Variants in MEI4 observed in about 807,000 individuals in gnomAD.
MEI4 encodes meiosis-specific protein MEI4.
A neutral mutation model predicts 31.4 loss-of-function variants in MEI4; 27 were observed. That is an observed-to-expected ratio of 0.86 (90% CI 0.63 to 1.19). MEI4 has a LOEUF of 1.19. Ranked by LOEUF, MEI4 falls within the 50% of genes most tolerant of loss-of-function variation. MEI4 has a pLI of 0.00. For synonymous variants in MEI4, 122 were observed against 145.4 expected (o/e 0.84, Z 1.16); for missense variants, 329 against 398.9 (o/e 0.82, Z 1.49).
chr6:77,679,699 C>T (rs1768915758), intron 1 of MEI4, among the ~76,000 whole-genome samples: 1 of 151,944 alleles, frequency 6.6e-6, no homozygotes, highest in South Asian at 2.1e-4. Flanking sequence ...TGTGTCCTCC[C>T]CTAGTGCCCA....
chr6:77,866,252 A>G (rs1229850011), intron 4 of MEI4, among the ~76,000 whole-genome samples: 2 of 152,074 alleles, frequency 1.3e-5, no homozygotes, highest in Non-Finnish European at 2.9e-5. Flanking sequence ...GGAGAAGGAA[A>G]TAAAGGGTAT....
Position 77,802,696 on chromosome 6 carries a change from A to T in MEI4, c.769-26235A>T, listed in dbSNP as rs899241372. Among the ~76,000 whole-genome samples the T allele has an allele frequency of 2.6e-5, 4 of 152,214 alleles. No homozygotes were observed. The Middle Eastern group carries it at 0.014, about 518-fold the overall frequency. ...GACAAAACTCTCTCAGCATTTGCTT[A>T]TCTGTAAAGGATTTTATTTATCCTT... On this transcript the variant is annotated intron_variant, in intron 3 of 4. Transcript: ENST00000684080.
intron 1 of MEI4, among the ~76,000 whole-genome samples, chr6:77,676,367 A>G (rs1768845172): frequency 6.6e-6 from 1 of 152,072 alleles, no homozygotes; most frequent in African/African-American, 2.4e-5. Context: ...TGTACAACAA[A>G]TAAAAAAAAA....
At chr6:77,908,001 T>TA (rs932836074) in intron 4 of MEI4, among the ~76,000 whole-genome samples, 3 of 151,748 alleles carry the variant, frequency 2.0e-5, no homozygotes, top group African/African-American at 7.2e-5. Flanking sequence ...GGGTTTTTTT[T>TA]TTTTTCTTGT....
At chr6:77,915,608 G>A (rs9361313) in intron 4 of MEI4, among the ~76,000 whole-genome samples, 21,927 of 151,786 alleles carry the variant, frequency 0.14, 1,865 homozygotes, top group East Asian at 0.39. Flanking sequence ...ATTACTACAT[G>A]TATCTGGGTG....
chr6:77,841,333 A>ATATATATTTTTTTTTTTTTTTTTT lies in MEI4; in HGVS notation c.900+12272_900+12273insATATATTTTTTTTTTTTTTTTTTT. Among the ~76,000 whole-genome samples the ATATATATTTTTTTTTTTTTTTTTT allele has an allele frequency of 1.1e-4, 3 of 27,736 alleles. 1 individual carries two copies. The highest frequency in any genetic ancestry group is 2.2e-3 in the East Asian group (1 of 446). The allele number at this position is 27,736 out of a possible 152,430, so 18.2% of individuals were successfully genotyped here. ...TGTGTGCATATATATATATATATAT[A>ATATATATTTTTTTTTTTTTTTTTT]TTTTTTTTTTTTTTTTTTTTTTTGA... On this transcript the variant is annotated intron_variant, in intron 4 of 4. Transcript: ENST00000684080.
intron 1 of MEI4, among the ~76,000 whole-genome samples, chr6:77,666,195 C>T (rs996353931): frequency 1.5e-4 from 23 of 151,230 alleles, no homozygotes. Context: ...GTGGGTCTCA[C>T]AAAGTACATT....
intron 3 of MEI4, among the ~76,000 whole-genome samples, chr6:77,817,717 T>G (rs921421277): frequency 6.6e-6 from 1 of 152,150 alleles, no homozygotes; most frequent in Non-Finnish European, 1.5e-5. Context: ...AAATATCATT[T>G]AAAAAATCTT....
chr6:77,880,243 T>G (rs922693542), intron 4 of MEI4, among the ~76,000 whole-genome samples: 48 of 151,692 alleles, frequency 3.2e-4, no homozygotes, highest in African/African-American at 1.2e-3. Context: ...TGTTTTTTTT[T>G]TTTTTGAGAC....
chr6:77,787,697 A>C (rs1050454408), intron 3 of MEI4, among the ~76,000 whole-genome samples: 3 of 152,250 alleles, frequency 2.0e-5, no homozygotes, highest in Non-Finnish European at 4.4e-5. Flanking sequence ...ATAAGGCTCT[A>C]ATAACCAACC....
Position 77,730,514 on chromosome 6 carries a change from A to G in MEI4, c.233-30616A>G, listed in dbSNP as rs181911488. On this transcript the variant is annotated intron_variant, in intron 2 of 4. Transcript: ENST00000684080. ...AGATGGTTTCCTCTTATCAGCTCCC[A>G]GTTTTTCCCTACTAACTCTTTTCTT... Among the ~76,000 whole-genome samples the G allele has an allele frequency of 1.1e-4, 16 of 152,206 alleles. No homozygotes were observed. In the East Asian group the frequency reaches 2.9e-3, roughly 28 times the overall value.
intron 2 of MEI4, among the ~76,000 whole-genome samples, chr6:77,752,458 T>A (rs1369005259): frequency 3.9e-5 from 6 of 152,172 alleles, no homozygotes; most frequent in Non-Finnish European, 1.5e-5. Context: ...AGCATTCTTA[T>A]ACACCAAGAA....
At chr6:77,907,552 C>G (rs1004271589) in intron 4 of MEI4, among the ~76,000 whole-genome samples, 1 of 151,658 alleles carries the variant, frequency 6.6e-6, no homozygotes, top group African/African-American at 2.4e-5. Context: ...GGACATTTGG[C>G]GTGGTTCCAA....
At chr6:77,667,570 G>T (rs890495746) in intron 1 of MEI4, among the ~76,000 whole-genome samples, 2 of 152,120 alleles carry the variant, frequency 1.3e-5, no homozygotes, top group Middle Eastern at 3.2e-3. Context: ...ATAACACAAA[G>T]AAGACATAGT....
chr6:77,695,262 G>A (rs1020398373), intron 2 of MEI4, among the ~76,000 whole-genome samples: 4 of 151,982 alleles, frequency 2.6e-5, no homozygotes, highest in Non-Finnish European at 4.4e-5. Context: ...AAGCTCTTTA[G>A]TTGAATTAGA....
intron 3 of MEI4, among the ~76,000 whole-genome samples, chr6:77,805,551 T>G (rs1769408120): frequency 6.6e-6 from 1 of 152,126 alleles, no homozygotes; most frequent in Admixed American, 6.5e-5. Context: ...TAAATAGTAA[T>G]TAGAGCTTTA....
upstream of MEI4, among the ~76,000 whole-genome samples, chr6:77,651,064 A>T: frequency 6.6e-6 from 1 of 152,202 alleles, no homozygotes; most frequent in South Asian, 2.1e-4. Flanking sequence ...CAAGGGATTT[A>T]TAGATCCATA....
chr6:77,729,788 ATAAT>A (rs1173370013), intron 2 of MEI4, among the ~76,000 whole-genome samples: 1 of 151,792 alleles, frequency 6.6e-6, no homozygotes, highest in African/African-American at 2.4e-5. Flanking sequence ...ATGCTTAGGA[ATAAT>A]TAATTTTAGT....
At chr6:77,693,205 A>G (rs2127652977) in intron 2 of MEI4, among the ~76,000 whole-genome samples, 1 of 152,228 alleles carries the variant, frequency 6.6e-6, no homozygotes. Flanking sequence ...GTTTCTCTAG[A>G]GTCCTTTTTG....
Sources: allele counts gnomAD v4.1 joint callset (sites outside exome capture counted in the v4.1 genomes callset), GRCh38; gene constraint gnomAD v4.1.1; transcripts MANE v1.5; gene names NCBI Gene and HGNC (gene_info 2026-07-23, HGNC 2026-07-21).